The following NXPH1 variants were observed in gnomAD, a reference collection of about 807,000 sequenced individuals.
The protein encoded by NXPH1 is neurexophilin 1, also known as neurexophilin-1.
In NXPH1, 5 loss-of-function variants were observed where a neutral mutation model predicts 23.7. The observed-to-expected ratio is 0.21, with a 90% CI of 0.11 to 0.44. The LOEUF (loss-of-function observed/expected upper bound fraction) is 0.44. NXPH1 is among the 20% of genes least tolerant of loss of function. The probability of loss-of-function intolerance (pLI) is 0.99; values close to 1 mark genes in which losing one functional copy is unlikely to be tolerated. For synonymous variants in NXPH1, 144 were observed against 122.2 expected, an observed-to-expected ratio of 1.18 and a Z score of -1.18; for missense variants, 324 against 321.6, an observed-to-expected ratio of 1.01 and a Z score of -0.06.
chr7:8,487,058 C>T (rs998675117), intron 2 of NXPH1, among the ~76,000 whole-genome samples: 1 of 151,928 alleles, frequency 6.6e-6, no homozygotes, highest in African/African-American at 2.4e-5. Flanking sequence ...CATTGAGAGC[C>T]TTTAGAGTAC....
intron 2 of NXPH1, among the ~76,000 whole-genome samples, chr7:8,668,261 T>G (rs1290553226): frequency 2.4e-5 from 2 of 83,276 alleles, no homozygotes; most frequent in African/African-American, 6.8e-5. Flanking sequence ...TCTTTGTTTT[T>G]TTTTTTTTAT....
intron 2 of NXPH1, among the ~76,000 whole-genome samples, chr7:8,669,973 C>T (rs28532269): frequency 0.07 from 10,591 of 152,162 alleles, 792 homozygotes; most frequent in East Asian, 0.25. Context: ...TCCTATTCTG[C>T]CATATTGCTG....
rs115568251 is a variant in NXPH1, at chr7:8,523,378, C to A, written c.54+87611C>A. ...ACCAGGTTTTCACTACATGAAAATT[C>A]TTAGAGTCTTTTCTTCTCTCATGAT... is the stretch of plus-strand genomic sequence containing the variant. On this transcript the variant is annotated intron_variant, in intron 2 of 2. Transcript: ENST00000405863. Among the ~76,000 whole-genome samples the A allele has an allele frequency of 3.4e-3, 511 of 152,288 alleles. 2 individuals are homozygous for A. Among genetic ancestry groups the A allele is most frequent in the African/African-American group, 0.012 (478 of 41,554 alleles).
At chr7:8,570,738 G>A (rs910179272) in intron 2 of NXPH1, among the ~76,000 whole-genome samples, 2 of 151,886 alleles carry the variant, frequency 1.3e-5, no homozygotes, top group African/African-American at 4.8e-5. Context: ...AGAGTTTCAG[G>A]AGCAGAGAGA....
intron 2 of NXPH1, among the ~76,000 whole-genome samples, chr7:8,549,799 A>G (rs547411653): frequency 6.6e-6 from 1 of 151,624 alleles, no homozygotes; most frequent in Non-Finnish European, 1.5e-5. Flanking sequence ...GAGATTACAC[A>G]TTTACCCATT....
intron 2 of NXPH1, among the ~76,000 whole-genome samples, chr7:8,580,898 A>T (rs1042605899): frequency 6.6e-6 from 1 of 152,148 alleles, no homozygotes; most frequent in Non-Finnish European, 1.5e-5. Context: ...TTGTTCTTAT[A>T]TTCTTAACAT....
intron 2 of NXPH1, among the ~76,000 whole-genome samples, chr7:8,641,141 T>C (rs933349291): frequency 5.3e-5 from 8 of 152,190 alleles, no homozygotes; most frequent in African/African-American, 1.7e-4. Flanking sequence ...TATTGATCTT[T>C]AACACTTTCA....
chr7:8,738,713 CT>C (rs756870855), intron 2 of NXPH1, among the ~76,000 whole-genome samples: 2 of 152,178 alleles, frequency 1.3e-5, no homozygotes, highest in Non-Finnish European at 2.9e-5. Flanking sequence ...TCTGCCAAAG[CT>C]GTGCCCACAG....
chr7:8,683,875 G>A (rs1413530052), intron 2 of NXPH1, among the ~76,000 whole-genome samples: 2 of 152,108 alleles, frequency 1.3e-5, no homozygotes, highest in African/African-American at 4.8e-5. Flanking sequence ...ACAATGCCCA[G>A]GAAGCTAGAG....
At chr7:8,539,947 G>A (rs1818087193) in intron 2 of NXPH1, among the ~76,000 whole-genome samples, 1 of 151,692 alleles carries the variant, frequency 6.6e-6, no homozygotes, top group Non-Finnish European at 1.5e-5. Context: ...ATGAATATGT[G>A]CAAGACAGTA....
At chr7:8,602,049 G>A (rs1458025273) in intron 2 of NXPH1, among the ~76,000 whole-genome samples, 1 of 152,060 alleles carries the variant, frequency 6.6e-6, no homozygotes, top group African/African-American at 2.4e-5. Flanking sequence ...AGTATTGGTG[G>A]ATATAGTATA....
chr7:8,484,425 G>C (rs1817125342), intron 2 of NXPH1, among the ~76,000 whole-genome samples: 2 of 152,012 alleles, frequency 1.3e-5, no homozygotes, highest in Admixed American at 1.3e-4. Flanking sequence ...CTCAGTGATA[G>C]CAGCTGTCAA....
intron 2 of NXPH1, among the ~76,000 whole-genome samples, chr7:8,717,906 A>G (rs551768241): frequency 4.2e-4 from 63 of 151,132 alleles, no homozygotes; most frequent in African/African-American, 1.5e-3. Flanking sequence ...ATATATATAT[A>G]TATATACACA....
chr7:8,660,279 G>T (rs1655373387), intron 2 of NXPH1, among the ~76,000 whole-genome samples: 1 of 152,188 alleles, frequency 6.6e-6, no homozygotes. Flanking sequence ...GTAACAGTCT[G>T]AGTAGCACAG....
At chr7:8,737,648 C>A (rs1287908288) in intron 2 of NXPH1, among the ~76,000 whole-genome samples, 3 of 152,124 alleles carry the variant, frequency 2.0e-5, no homozygotes, top group Non-Finnish European at 4.4e-5. Flanking sequence ...TTGTGGCATT[C>A]TCTGTATTTC....
Position 8,508,992 on chromosome 7 carries a change from T to C in NXPH1, c.54+73225T>C, listed in dbSNP as rs575601454. 2.9e-3 allele frequency among the ~76,000 whole-genome samples: 441 copies of C among 152,222 alleles called. 4 individuals carry two copies. Among genetic ancestry groups the C allele is most frequent in the Non-Finnish European group, 3.8e-3 (260 of 67,974 alleles). On this transcript the variant is annotated intron_variant, in intron 2 of 2. Coordinates refer to ENST00000405863, the MANE Select transcript of NXPH1 (RefSeq NM_152745.3). ...GCATAATCCAAACAAGCGATATTCG[T>C]AAAAACAACTCCATATCTGTGGATA... is the stretch of plus-strand genomic sequence containing the variant.
At chr7:8,456,292 A>G (rs1164916811) in intron 2 of NXPH1, among the ~76,000 whole-genome samples, 2 of 152,334 alleles carry the variant, frequency 1.3e-5, no homozygotes, top group East Asian at 3.9e-4. Context: ...TCTTGGTAGT[A>G]GCTGATTACC....
intron 2 of NXPH1, among the ~76,000 whole-genome samples, chr7:8,749,458 T>C (rs1268376470): frequency 2.6e-5 from 4 of 152,176 alleles, no homozygotes; most frequent in Non-Finnish European, 4.4e-5. Context: ...AGTGGTTGAG[T>C]AAAATGCTAT....
chr7:8,504,484 T>C (rs1817489420), intron 2 of NXPH1, among the ~76,000 whole-genome samples: 4 of 152,036 alleles, frequency 2.6e-5, no homozygotes, highest in Admixed American at 2.0e-4. Context: ...AACAGGGAAC[T>C]CACCTATGTA....
Sources: allele counts gnomAD v4.1 joint callset (sites outside exome capture counted in the v4.1 genomes callset), GRCh38; gene constraint gnomAD v4.1.1; transcripts MANE v1.5; gene names NCBI Gene and HGNC (gene_info 2026-07-23, HGNC 2026-07-21).